Variants in SPECC1 observed in about 807,000 individuals in gnomAD.
The protein encoded by SPECC1 is sperm antigen with calponin homology and coiled-coil domains 1, also known as cytospin-B.
A neutral mutation model predicts 104.1 loss-of-function variants in SPECC1; 62 were observed. The observed-to-expected ratio is 0.60, with a 90% CI of 0.49 to 0.74. The LOEUF is 0.74. SPECC1 is among the 30% of genes least tolerant of loss of function. SPECC1 has a pLI of 0.00. For missense variants in SPECC1, 1,306 were observed against 1,310.5 expected, an observed-to-expected ratio of 1.00 and a Z score of 0.05; for synonymous variants, 513 against 501.6, an observed-to-expected ratio of 1.02 and a Z score of -0.30.
At chr17:20,028,496 A>G (rs2044685666) in intron 1 of SPECC1, among the ~76,000 whole-genome samples, 1 of 152,098 alleles carries the variant, frequency 6.6e-6, no homozygotes, top group Non-Finnish European at 1.5e-5. Context: ...AAAAGAAAAA[A>G]ATAGAAAAGC....
chr17:20,048,318 A>G (rs1186091308), intron 1 of SPECC1, among the ~76,000 whole-genome samples: 2 of 151,890 alleles, frequency 1.3e-5, no homozygotes, highest in Non-Finnish European at 2.9e-5. Flanking sequence ...TATTTTTAGT[A>G]GAGACTGGGT....
At chr17:20,183,525 G>C (rs1361255778) in intron 3 of SPECC1, among the ~76,000 whole-genome samples, 1 of 152,146 alleles carries the variant, frequency 6.6e-6, no homozygotes, top group Non-Finnish European at 1.5e-5. Flanking sequence ...ATCCTTGGGA[G>C]ATTCATTCCA....
intron 7 of SPECC1, chr17:20,237,711 G>A (rs1453806804): frequency 5.1e-6 from 1 of 195,136 alleles, no homozygotes; most frequent in Non-Finnish European, 1.1e-5. Flanking sequence ...AGGCAAAATA[G>A]GAAGCCATCT....
At chr17:20,020,949 C>G (rs574312778) in intron 1 of SPECC1, among the ~76,000 whole-genome samples, 2 of 152,192 alleles carry the variant, frequency 1.3e-5, no homozygotes, top group East Asian at 3.8e-4. Flanking sequence ...TAACTACTGA[C>G]AGCCTACTGT....
At chr17:20,033,976 A>G (rs1389911721) in intron 1 of SPECC1, among the ~76,000 whole-genome samples, 1 of 152,228 alleles carries the variant, frequency 6.6e-6, no homozygotes, top group Non-Finnish European at 1.5e-5. Flanking sequence ...GTTGAACTCC[A>G]CTAATTGTTA....
At chr17:20,090,916 T>C (rs942865254) in intron 1 of SPECC1, among the ~76,000 whole-genome samples, 3 of 152,218 alleles carry the variant, frequency 2.0e-5, no homozygotes, top group Non-Finnish European at 4.4e-5. Context: ...GTCTCCATAT[T>C]ATACCCTATT....
chr17:20,298,948 A>AGAGAGAGAGAGTGTGTGG, intron 13 of SPECC1, among the ~76,000 whole-genome samples: 1 of 49,072 alleles, frequency 2.0e-5, no homozygotes. Flanking sequence ...AGAGAGAGAG[A>AGAGAGAGAGAGTGTGTGG]GTGTGTGTGT....
chr17:20,238,898 G>C, intron 7 of SPECC1: 1 of 1,042,794 alleles, frequency 9.6e-7, no homozygotes, highest in Non-Finnish European at 1.2e-6. Flanking sequence ...AGAAGCGTCT[G>C]CTGCTTAGTT....
At chr17:20,172,578 A>G (rs2034170428) in intron 3 of SPECC1, among the ~76,000 whole-genome samples, 1 of 152,006 alleles carries the variant, frequency 6.6e-6, no homozygotes, top group African/African-American at 2.4e-5. Context: ...GCTTCTTTCT[A>G]TGTGAGGGCC....
intron 11 of SPECC1, among the ~76,000 whole-genome samples, chr17:20,258,086 A>C (rs1187954644): frequency 6.6e-6 from 1 of 152,198 alleles, no homozygotes; most frequent in Non-Finnish European, 1.5e-5. Context: ...GGCATATTGT[A>C]AGTAGTCTTC....
chr17:20,050,942 T>C (rs747089942), intron 1 of SPECC1, among the ~76,000 whole-genome samples: 4 of 152,198 alleles, frequency 2.6e-5, no homozygotes, highest in Non-Finnish European at 5.9e-5. Flanking sequence ...TTTAGAGTTA[T>C]AGAAGCATAT....
At chr17:20,194,508 T>TTTTTTTTTTTTTTTTTTTA (rs2035892412) in intron 3 of SPECC1, among the ~76,000 whole-genome samples, 1 of 118,264 alleles carries the variant, frequency 8.5e-6, no homozygotes, top group Non-Finnish European at 1.7e-5. Flanking sequence ...ACGAATTTTT[T>TTTTTTTTTTTTTTTTTTTA]TTTTTTTTTT....
intron 3 of SPECC1, among the ~76,000 whole-genome samples, chr17:20,166,788 T>TA (rs1009894480): frequency 4.0e-5 from 6 of 151,832 alleles, no homozygotes; most frequent in South Asian, 4.2e-4. Context: ...CTCTGTTTAT[T>TA]AAAAAAACCT....
At chr17:20,132,942 T>A (rs902763638) in intron 3 of SPECC1, among the ~76,000 whole-genome samples, 3 of 152,080 alleles carry the variant, frequency 2.0e-5, no homozygotes, top group African/African-American at 7.2e-5. Context: ...GGTTTCACTG[T>A]GTTAGGCAGG....
chr17:20,307,199 A>G (rs1269157746), intron 14 of SPECC1, among the ~76,000 whole-genome samples: 3 of 152,236 alleles, frequency 2.0e-5, no homozygotes, highest in Non-Finnish European at 4.4e-5. Flanking sequence ...TTGAATTAGT[A>G]TGTGTTCAGC....
chr17:20,144,225 C>G (rs1352576236), intron 3 of SPECC1, among the ~76,000 whole-genome samples: 1 of 131,408 alleles, frequency 7.6e-6, no homozygotes. Flanking sequence ...CTGTCTGTCA[C>G]CGAGGCTGGA....
chr17:20,280,668 G>T (rs2040737298), intron 12 of SPECC1, among the ~76,000 whole-genome samples: 1 of 152,214 alleles, frequency 6.6e-6, no homozygotes, highest in South Asian at 2.1e-4. Flanking sequence ...GCACTTAAAA[G>T]ATTCCTAATG....
At position 20,205,177 on chromosome 17, in the gene SPECC1, G is replaced by T; in HGVS notation, c.1128G>T (p.Lys376Asn). Residue 376 changes from lysine (K) to asparagine (N), a missense_variant, in exon 4 of 15, where the codon AAG becomes AAT. Coordinates refer to ENST00000395527, the MANE Select transcript of SPECC1 (RefSeq NM_001243439.2). The part of the protein sequence containing the change: ...SELSLASLTE[K>N]IQKMEENHHS... ...TGTCCCTGGCTTCCCTCACAGAGAA[G>T]ATACAAAAGATGGAAGAAAACCACC... 1 of 1,614,118 alleles carries T rather than the reference G, an allele frequency of 6.2e-7. No homozygotes were observed. The highest frequency in any genetic ancestry group is 8.5e-7 in the Non-Finnish European group (1 of 1,180,038).
At chr17:20,149,155 A>G (rs2031750699) in intron 3 of SPECC1, among the ~76,000 whole-genome samples, 1 of 152,192 alleles carries the variant, frequency 6.6e-6, no homozygotes, top group South Asian at 2.1e-4. Flanking sequence ...TGTGTTGAAC[A>G]TTGTAGGTTT....
Sources: allele counts gnomAD v4.1 joint callset (sites outside exome capture counted in the v4.1 genomes callset), GRCh38; gene constraint gnomAD v4.1.1; transcripts MANE v1.5; gene names NCBI Gene and HGNC (gene_info 2026-07-23, HGNC 2026-07-21).